The following CASKIN1 variants were observed in gnomAD, a reference collection of about 807,000 sequenced individuals.
The protein encoded by CASKIN1 is CASK interacting protein 1.
A neutral mutation model predicts 117.5 loss-of-function variants in CASKIN1; 42 were observed. The ratio of observed to expected loss-of-function variants is 0.36; its 90% CI spans 0.28 to 0.46. CASKIN1 has a LOEUF of 0.46. Ranked by LOEUF, CASKIN1 falls within the 20% of genes least tolerant of loss-of-function variation. The pLI is 1.00. For synonymous variants in CASKIN1, 1,148 were observed against 961.7 expected (o/e 1.19, Z -3.59); for missense variants, 2,083 against 2,077.3 (o/e 1.00, Z -0.05).
At chr16:2,193,252 G>A (rs970441363) in intron 1 of CASKIN1, among the ~76,000 whole-genome samples, 1 of 152,200 alleles carries the variant, frequency 6.6e-6, no homozygotes, top group African/African-American at 2.4e-5. Flanking sequence ...CCCGACCTCA[G>A]GTGATCCGCC....
At position 2,180,457 on chromosome 16, in the gene CASKIN1, C is replaced by A; in HGVS notation, c.2911G>T (p.Glu971Ter). The part of the protein sequence containing the change: ...NLADEPVPDA[E>*]PEDGLLGVRA... ...ACCCCCAGCAGGCCATCCTCAGGCTCGGCGTCAGGCACCGGCTCATCCGCC... is the reference window on the plus strand; with the variant it reads ...ACCCCCAGCAGGCCATCCTCAGGCTAGGCGTCAGGCACCGGCTCATCCGCC... Residue 971 changes from glutamate (E) to a stop codon, truncating the protein, a stop_gained, in exon 18 of 20, where the codon GAG becomes TAG. Coordinates refer to ENST00000343516, the MANE Select transcript of CASKIN1 (RefSeq NM_020764.4). LOFTEE classifies it high-confidence loss of function. 6.4e-7 allele frequency: 1 copy of A among 1,556,208 alleles called. No individual in the cohort carries two copies. The highest frequency in any genetic ancestry group is 1.4e-5 in the African/African-American group (1 of 73,862).
In CASKIN1 at chr16:2,179,608, C is replaced by T. The variant is rs775590987; in HGVS notation, c.3760G>A (p.Gly1254Ser). The T allele has an allele frequency of 2.8e-6, 4 of 1,452,936 alleles. No homozygotes were observed. Among genetic ancestry groups the T allele is most frequent in the Non-Finnish European group, 3.6e-6 (4 of 1,108,738 alleles). The allele number at this position is 1,452,936 out of a possible 1,614,324, so 90.0% of individuals were successfully genotyped here. The change falls in exon 18 of 20, where the codon GGC (glycine) becomes AGC (serine). Residue 1254 changes from glycine to serine, a missense_variant. Physicochemically the swap from Gly to Ser is moderately conservative, Grantham distance 56. Coordinates refer to ENST00000343516, the MANE Select transcript of CASKIN1 (RefSeq NM_020764.4). This position sits in a 1 kb window ranked among gnomAD's most constrained non-coding sequence, Gnocchi z 5.8. ...GCTGGCCTACCTGGGCTGCCAGGGC[C>T]TGGCAGCGGCACCTTCTTGGAGGTG... is the stretch of plus-strand genomic sequence containing the variant. ...TPTSKKVPLPGPGSPEVKRAH... is the reference protein window; with the variant it reads ...TPTSKKVPLPSPGSPEVKRAH...
At chr16:2,183,441 G>A (rs1449379084) in intron 16 of CASKIN1, among the ~76,000 whole-genome samples, 2 of 152,154 alleles carry the variant, frequency 1.3e-5, no homozygotes, top group Admixed American at 6.5e-5. Flanking sequence ...CAGCAACGAC[G>A]ACCCCTGGAC....
chr16:2,188,026 G>A (rs1166732457), intron 6 of CASKIN1, among the ~76,000 whole-genome samples: 2 of 148,692 alleles, frequency 1.3e-5, no homozygotes, highest in Non-Finnish European at 3.0e-5. Context: ...TGGGATTACA[G>A]ACATGTGTGA....
chr16:2,186,008 G>A lies in CASKIN1; in HGVS notation c.1049-600C>T, dbSNP rs561645338. 5.3e-5 allele frequency among the ~76,000 whole-genome samples: 8 copies of A among 152,154 alleles called. No homozygotes were observed. The East Asian group carries it at 1.4e-3, about 26-fold the overall frequency. ...AATCATTATTTTTTTTTGAGACAGGGTCTTGCTCTGTCACTCAGGCTGGTG... is the reference window on the plus strand; with the variant it reads ...AATCATTATTTTTTTTTGAGACAGGATCTTGCTCTGTCACTCAGGCTGGTG... On this transcript the variant is annotated intron_variant, in intron 10 of 19. Coordinates refer to ENST00000343516, the MANE Select transcript of CASKIN1 (RefSeq NM_020764.4).
At chr16:2,193,791 T>A (rs1430871149) in intron 1 of CASKIN1, among the ~76,000 whole-genome samples, 4 of 152,230 alleles carry the variant, frequency 2.6e-5, no homozygotes, top group Non-Finnish European at 5.9e-5. Flanking sequence ...AGGGGGAAAC[T>A]GGCTGAAATT....
chr16:2,183,581 G>A (rs2093174614), intron 16 of CASKIN1, 65 bp downstream of exon 16: 1 of 1,508,012 alleles, frequency 6.6e-7, no homozygotes, highest in South Asian at 1.2e-5. Context: ...CAGGGAGGCA[G>A]GTTCTCTGTC....
chr16:2,180,194 C>G lies in CASKIN1; in HGVS notation c.3174G>C (p.Glu1058Asp), dbSNP rs1339359675. Reference sequence around the variant, plus strand: ...TGAGCGTGCGGCGCCGGTTCACCACCTCCCCGCCAGGCCCGATGGCCTCTT... The same window carrying G: ...TGAGCGTGCGGCGCCGGTTCACCACGTCCCCGCCAGGCCCGATGGCCTCTT... ...KHKEAIGPGG[E>D]VVNRRRTLSG... is the part of the protein sequence containing the mutation. The change falls in exon 18 of 20, where the codon GAG becomes GAC. Residue 1058 changes from glutamate (E) to aspartate (D), a missense_variant. Transcript: ENST00000343516. 6.5e-7 allele frequency: 1 copy of G among 1,549,836 alleles called. No individual in the cohort carries two copies. Among genetic ancestry groups the G allele is most frequent in the Non-Finnish European group, 8.7e-7 (1 of 1,147,454 alleles).
chr16:2,196,311 ACCCGCGC>A lies in CASKIN1; in HGVS notation c.94+21_94+27del. On this transcript the variant is annotated intron_variant, in intron 1 of 19. Transcript: ENST00000343516. This position sits in a 1 kb window ranked among gnomAD's most constrained non-coding sequence, Gnocchi z 5.7. Reference sequence around the variant, plus strand: ...CCGGGGAGGGGCCCCCGGGGCTCCCACCCGCGCCCCGCGCCCCCGGCACTCACTGGCC... The same window carrying A: ...CCGGGGAGGGGCCCCCGGGGCTCCCACCCGCGCCCCCGGCACTCACTGGCC... 1.8e-6 allele frequency: 2 copies of A among 1,100,288 alleles called. No individual in the cohort carries two copies. Among genetic ancestry groups the A allele is most frequent in the Non-Finnish European group, 2.2e-6 (2 of 890,276 alleles). The allele number at this position is 1,100,288 out of a possible 1,614,324, so 68.2% of individuals were successfully genotyped here.
chr16:2,191,626 G>A (rs2093201996), intron 1 of CASKIN1, among the ~76,000 whole-genome samples: 1 of 152,186 alleles, frequency 6.6e-6, no homozygotes, highest in Admixed American at 6.5e-5. Flanking sequence ...TCCAGCCAGG[G>A]GTTTCTTCTG....
At chr16:2,195,245 C>CG (rs929659716) in intron 1 of CASKIN1, among the ~76,000 whole-genome samples, 1 of 152,156 alleles carries the variant, frequency 6.6e-6, no homozygotes, top group Non-Finnish European at 1.5e-5. Flanking sequence ...TGGTGAAGTA[C>CG]GGGGGAGGGG....
At chr16:2,186,158 G>A (rs1345462880) in intron 10 of CASKIN1, among the ~76,000 whole-genome samples, 1 of 152,112 alleles carries the variant, frequency 6.6e-6, no homozygotes, top group East Asian at 1.9e-4. Flanking sequence ...TTGTAGACAT[G>A]GAATCTCACT....
Position 2,178,973 on chromosome 16 carries a change from T to C in CASKIN1, c.4128A>G (p.Thr1376=). Residue 1376 remains threonine (T), a synonymous_variant, in exon 19 of 20, where the codon ACA becomes ACG. Coordinates refer to ENST00000343516, the MANE Select transcript of CASKIN1 (RefSeq NM_020764.4). ...GDSARQKLEE[T]SACLAAALQA... Reference sequence around the variant, plus strand: ...GCAGCGCCGCGGCCAGGCACGCGCTTGTCTCCTCCAGTTTCTGCCGGGCGC... The same window carrying C: ...GCAGCGCCGCGGCCAGGCACGCGCTCGTCTCCTCCAGTTTCTGCCGGGCGC... The C allele has an allele frequency of 6.9e-7, 1 of 1,455,960 alleles. No homozygotes were observed. The highest frequency in any genetic ancestry group is 9.0e-7 in the Non-Finnish European group (1 of 1,111,202). The allele number at this position is 1,455,960 out of a possible 1,614,324, so 90.2% of individuals were successfully genotyped here.
chr16:2,192,128 C>A (rs2093203002), intron 1 of CASKIN1, among the ~76,000 whole-genome samples: 1 of 151,860 alleles, frequency 6.6e-6, no homozygotes, highest in South Asian at 2.1e-4. Context: ...CTTGTCTCTA[C>A]AAAAAATAAA....
intron 1 of CASKIN1, among the ~76,000 whole-genome samples, chr16:2,195,021 C>A (rs368706067): frequency 2.0e-5 from 3 of 152,336 alleles, no homozygotes; most frequent in East Asian, 3.9e-4. Context: ...TTGTCTGTGT[C>A]CAAGGTCATG....
Position 2,178,116 on chromosome 16 carries a change from C to T in CASKIN1, c.*434G>A, listed in dbSNP as rs1250150873. On this transcript the variant is annotated 3_prime_UTR_variant, in exon 20 of 20. Transcript: ENST00000343516. The stretch of plus-strand genomic sequence containing the variant: ...TCAGCTCATTCCCAATAAATTAATA[C>T]TCTTGATAGCTTATATTCTGGGGGT... The T allele has an allele frequency of 7.9e-6, 4 of 506,118 alleles. No homozygotes were observed. The East Asian group carries it at 1.4e-4, about 17-fold the overall frequency. The allele number at this position is 506,118 out of a possible 1,614,324, so 31.4% of individuals were successfully genotyped here.
chr16:2,180,359 G>C lies in CASKIN1; in HGVS notation c.3009C>G (p.Ser1003Arg). Residue 1003 changes from serine to arginine, a missense_variant, in exon 18 of 20, where the codon AGC (serine) becomes AGG (arginine). Around this residue, in one of 3 missense-constraint regions of CASKIN1, gnomAD observed 1,818 missense variants for 1,688.9 expected, o/e 1.08. Transcript: ENST00000343516. Reference protein sequence around the residue: ...VDTGSAGSVKSIAAMLELSSI... With the variant: ...VDTGSAGSVKRIAAMLELSSI... ...AGGACAGCTCCAGCATGGCCGCGAT[G>C]CTCTTCACACTGCCGGCACTACCCG... 1 of 1,596,152 alleles carries C rather than the reference G, an allele frequency of 6.3e-7. No homozygotes were observed. Among genetic ancestry groups the C allele is most frequent in the Non-Finnish European group, 8.5e-7 (1 of 1,177,546 alleles).
Position 2,181,514 on chromosome 16 carries a change from C to A in CASKIN1, c.1854G>T (p.Leu618=). 1 of 1,608,398 alleles carries A rather than the reference C, an allele frequency of 6.2e-7. No individual in the cohort carries two copies. Among genetic ancestry groups the A allele is most frequent in the Non-Finnish European group, 8.5e-7 (1 of 1,178,720 alleles). The stretch of plus-strand genomic sequence containing the variant: ...CAAGAGACTGGGGCGCCTTCCGGCG[C>A]AGGGGGCCCCCCTCATACTTGGCGT... ...AEYAKYEGGP[L]RRKAPQSLEV... The change falls in exon 18 of 20, where the codon CTG becomes CTT. Residue 618 remains leucine, a synonymous_variant. Coordinates refer to ENST00000343516, the MANE Select transcript of CASKIN1 (RefSeq NM_020764.4).
chr16:2,185,693 G>A (rs148761200), intron 10 of CASKIN1, among the ~76,000 whole-genome samples: 1 of 152,350 alleles, frequency 6.6e-6, no homozygotes, highest in African/African-American at 2.4e-5. Context: ...CTGGGGAGTG[G>A]GGGGCAGGCA....
Sources: gnomAD v4.1 joint callset for allele counts (sites outside exome capture counted in the v4.1 genomes callset) on GRCh38, gnomAD v4.1.1 for gene constraint, gnomAD v4.1.1 regional missense constraint, Gnocchi (gnomAD v3.1) non-coding constraint, MANE v1.5 for transcripts, NCBI Gene and HGNC (gene_info 2026-07-23, HGNC 2026-07-21) for gene names.